The following ZDHHC14 variants were observed in gnomAD, a reference collection of about 807,000 sequenced individuals.
ZDHHC14 encodes the protein palmitoyltransferase ZDHHC14.
ZDHHC14 carries 16 observed loss-of-function variants against 47.7 expected under a neutral mutation model. The ratio of observed to expected loss-of-function variants is 0.34; its 90% CI spans 0.23 to 0.51. The LOEUF is 0.51. Among genes scored for constraint, ZDHHC14 ranks in the 20% least tolerant of loss-of-function variants. The pLI, the probability that ZDHHC14 is intolerant of heterozygous loss-of-function variation, is 0.97. For synonymous variants in ZDHHC14, 293 were observed against 278.9 expected, an observed-to-expected ratio of 1.05 and a Z score of -0.50; for missense variants, 515 against 662.5, an observed-to-expected ratio of 0.78 and a Z score of 2.44.
chr6:157,511,964 G>GAA (rs1192023735), intron 1 of ZDHHC14, among the ~76,000 whole-genome samples: 1 of 152,118 alleles, frequency 6.6e-6, no homozygotes, highest in African/African-American at 2.4e-5. Context: ...CAGTGGTCTT[G>GAA]ATTTCTTAGA....
intron 1 of ZDHHC14, among the ~76,000 whole-genome samples, chr6:157,503,967 T>C (rs1780252038): frequency 6.6e-6 from 1 of 152,194 alleles, no homozygotes; most frequent in South Asian, 2.1e-4. Flanking sequence ...ACAATTCCAT[T>C]TGTAAGTATA....
intron 2 of ZDHHC14, among the ~76,000 whole-genome samples, chr6:157,569,757 T>C (rs994315032): frequency 6.6e-6 from 1 of 152,184 alleles, no homozygotes; most frequent in African/African-American, 2.4e-5. Flanking sequence ...TATTGTTGTA[T>C]TGTTTTTTTC....
At chr6:157,552,907 G>T (rs929112571) in intron 2 of ZDHHC14, among the ~76,000 whole-genome samples, 1 of 152,208 alleles carries the variant, frequency 6.6e-6, no homozygotes, top group Non-Finnish European at 1.5e-5. Flanking sequence ...GACTGTCCCT[G>T]ATTACCTCTC....
In ZDHHC14 at chr6:157,480,942, T is replaced by C. The variant is rs140062495; in HGVS notation, c.246-61643T>C. Among the ~76,000 whole-genome samples, 710 of 152,344 alleles carry C rather than the reference T, an allele frequency of 4.7e-3. 3 individuals carry two copies. The highest frequency in any genetic ancestry group is 8.6e-3 in the Non-Finnish European group (588 of 68,028). ...TTTGATAGTTTTAAAAAAATGTGTT[T>C]TGCATTGTTCATTGATATCAGTTGT... On this transcript the variant is annotated intron_variant, in intron 1 of 8. Coordinates refer to ENST00000359775, the MANE Select transcript of ZDHHC14 (RefSeq NM_024630.3).
At chr6:157,426,542 G>A (rs779494375) in intron 1 of ZDHHC14, among the ~76,000 whole-genome samples, 3 of 152,092 alleles carry the variant, frequency 2.0e-5, no homozygotes, top group Admixed American at 6.5e-5. Flanking sequence ...GGGGAGAAGC[G>A]CACCAGCTCG....
chr6:157,453,788 T>TTTTTTTGTGTGTGTGTGTGTGTGTGTG (rs3220439), intron 1 of ZDHHC14, among the ~76,000 whole-genome samples: 3 of 148,098 alleles, frequency 2.0e-5, no homozygotes, highest in African/African-American at 7.6e-5. Flanking sequence ...TTTTTGTGTT[T>TTTTTTTGTGTGTGTGTGTGTGTGTGTG]TGTGTGTGTG....
intron 2 of ZDHHC14, among the ~76,000 whole-genome samples, chr6:157,551,259 A>G (rs1031490111): frequency 3.9e-5 from 6 of 152,106 alleles, no homozygotes; most frequent in Non-Finnish European, 8.8e-5. Flanking sequence ...GCTCTGAGTC[A>G]TGGGACATTC....
intron 5 of ZDHHC14, among the ~76,000 whole-genome samples, chr6:157,638,283 C>T (rs144970324): frequency 6.6e-6 from 1 of 152,162 alleles, no homozygotes; most frequent in Non-Finnish European, 1.5e-5. Flanking sequence ...AGTCCATAGT[C>T]GGTTCTCCCT....
chr6:157,535,193 T>C (rs1053376209), intron 1 of ZDHHC14, among the ~76,000 whole-genome samples: 1 of 152,166 alleles, frequency 6.6e-6, no homozygotes, highest in Non-Finnish European at 1.5e-5. Flanking sequence ...CCGCTCTCTG[T>C]TCACGCAAGT....
intron 1 of ZDHHC14, among the ~76,000 whole-genome samples, chr6:157,503,897 C>T (rs1281627974): frequency 2.0e-5 from 3 of 152,148 alleles, no homozygotes; most frequent in Non-Finnish European, 2.9e-5. Flanking sequence ...GGTGCCACCA[C>T]TTTGGATAAA....
At chr6:157,634,604 G>A (rs1016797384) in intron 5 of ZDHHC14, among the ~76,000 whole-genome samples, 2 of 152,222 alleles carry the variant, frequency 1.3e-5, no homozygotes, top group African/African-American at 2.4e-5. Context: ...AAAGCATGCT[G>A]GTCACATTAA....
At chr6:157,467,387 T>C (rs1216592748) in intron 1 of ZDHHC14, among the ~76,000 whole-genome samples, 1 of 152,152 alleles carries the variant, frequency 6.6e-6, no homozygotes, top group Non-Finnish European at 1.5e-5. Context: ...TATAGATTTG[T>C]CTATTCTGGA....
intron 1 of ZDHHC14, among the ~76,000 whole-genome samples, chr6:157,491,913 G>A (rs373245615): frequency 7.9e-4 from 120 of 152,344 alleles, no homozygotes; most frequent in Non-Finnish European, 1.2e-3. Flanking sequence ...ATTACGTCTT[G>A]TGCGGATTTG....
intron 3 of ZDHHC14, among the ~76,000 whole-genome samples, chr6:157,612,806 C>G (rs1452560866): frequency 6.6e-6 from 1 of 150,396 alleles, no homozygotes; most frequent in Non-Finnish European, 1.5e-5. Flanking sequence ...CTTGCTGTAT[C>G]TACCTTCATG....
At chr6:157,489,869 G>A (rs1280920333) in intron 1 of ZDHHC14, among the ~76,000 whole-genome samples, 9 of 152,182 alleles carry the variant, frequency 5.9e-5, no homozygotes, top group African/African-American at 1.7e-4. Context: ...GGAAGATTGG[G>A]TGTGTGGCAT....
chr6:157,640,053 G>A (rs913728759), intron 5 of ZDHHC14, among the ~76,000 whole-genome samples: 5 of 152,138 alleles, frequency 3.3e-5, no homozygotes, highest in East Asian at 1.9e-4. Context: ...TGGTGATGCC[G>A]CCTTGGCTTC....
chr6:157,458,964 C>T (rs984300720), intron 1 of ZDHHC14, among the ~76,000 whole-genome samples: 32 of 148,908 alleles, frequency 2.1e-4, no homozygotes, highest in African/African-American at 7.8e-4. Context: ...AAGCTATTCT[C>T]CTGCCTCAGC....
intron 8 of ZDHHC14, among the ~76,000 whole-genome samples, chr6:157,654,072 A>G (rs1416506269): frequency 1.3e-5 from 2 of 152,148 alleles, no homozygotes; most frequent in Admixed American, 1.3e-4. Flanking sequence ...GCTTCCGCCC[A>G]AAGTCTGGGA....
At chr6:157,476,812 G>A (rs972262591) in intron 1 of ZDHHC14, among the ~76,000 whole-genome samples, 2 of 151,974 alleles carry the variant, frequency 1.3e-5, no homozygotes, top group African/African-American at 2.4e-5. Flanking sequence ...AATCATCATC[G>A]CAATAGATGT....
Sources: gnomAD v4.1 joint callset for allele counts (sites outside exome capture counted in the v4.1 genomes callset) on GRCh38, gnomAD v4.1.1 for gene constraint, MANE v1.5 for transcripts, NCBI Gene and HGNC (gene_info 2026-07-23, HGNC 2026-07-21) for gene names.